The following COPA variants were observed in gnomAD, a reference collection of about 807,000 sequenced individuals.
The protein encoded by COPA is coatomer subunit alpha.
COPA carries 10 observed loss-of-function variants against 158.7 expected under a neutral mutation model. The observed-to-expected ratio is 0.06, with a 90% CI of 0.04 to 0.11. The LOEUF (loss-of-function observed/expected upper bound fraction) is 0.11. COPA is among the 10% of genes least tolerant of loss of function. The pLI is 1.00. For synonymous variants in COPA, 462 were observed against 542.8 expected (o/e 0.85, Z 2.07); for missense variants, 1,065 against 1,536.7 (o/e 0.69, Z 5.13).
At chr1:160,330,116 C>T (rs1268428922) in intron 6 of COPA, among the ~76,000 whole-genome samples, 3 of 151,852 alleles carry the variant, frequency 2.0e-5, no homozygotes, top group African/African-American at 7.3e-5. Flanking sequence ...CTGTCCCCAC[C>T]GCCACCCCCC....
In COPA at chr1:160,335,287, T is replaced by C. The variant is rs751570700; in HGVS notation, c.264A>G (p.Thr88=). 39 of 1,612,248 alleles carry C rather than the reference T, an allele frequency of 2.4e-5. No individual in the cohort carries two copies. Among genetic ancestry groups the C allele is most frequent in the Admixed American group, 5.0e-5 (3 of 59,858 alleles). ...WNYKLRRCLF[T]LLGHLDYIRT... ...GAATATAATCTAAGTGCCCAAGCAA[T>C]GTGAAAAGACAGCGCCGAAGCTTGT... Residue 88 remains threonine, a synonymous_variant, in exon 4 of 33, where the codon ACA becomes ACG. Transcript: ENST00000241704.
intron 5 of COPA, among the ~76,000 whole-genome samples, chr1:160,333,306 G>A (rs1647615418): frequency 6.6e-6 from 1 of 152,192 alleles, no homozygotes; most frequent in Non-Finnish European, 1.5e-5. Flanking sequence ...ATAAGACAAA[G>A]GTCTAGACCT....
At chr1:160,303,124 G>A (rs1187295487) in intron 17 of COPA, among the ~76,000 whole-genome samples, 2 of 152,090 alleles carry the variant, frequency 1.3e-5, no homozygotes, top group African/African-American at 4.8e-5. Context: ...ACTTGAACCT[G>A]GGAAGCAGAG....
rs189805253 is a variant in COPA, at chr1:160,337,139, T to C, written c.229-1817A>G. Among the ~76,000 whole-genome samples, 23 of 152,358 alleles carry C rather than the reference T, an allele frequency of 1.5e-4. No homozygotes were observed. In the East Asian group the frequency reaches 4.0e-3, roughly 27 times the overall value. ...ACTTTTTTCCCCTTATAGAGTTCAGTGTTTTAAACTTTCATATTTCTAGTT... is the reference window on the plus strand; with the variant it reads ...ACTTTTTTCCCCTTATAGAGTTCAGCGTTTTAAACTTTCATATTTCTAGTT... On this transcript the variant is annotated intron_variant, in intron 3 of 32. Coordinates refer to ENST00000241704, the MANE Select transcript of COPA (RefSeq NM_004371.4).
chr1:160,332,859 C>T (rs1246214405), intron 5 of COPA, among the ~76,000 whole-genome samples: 1 of 152,258 alleles, frequency 6.6e-6, no homozygotes, highest in East Asian at 1.9e-4. Context: ...TCTCAGTAAT[C>T]CATACTGTAA....
intron 8 of COPA, among the ~76,000 whole-genome samples, chr1:160,321,863 T>C (rs11578737): frequency 6.6e-6 from 1 of 151,628 alleles, no homozygotes; most frequent in Non-Finnish European, 1.5e-5. Context: ...TTATAGTAAC[T>C]ACAAAAAATA....
At chr1:160,315,385 T>C (rs552894468) in intron 8 of COPA, among the ~76,000 whole-genome samples, 3 of 152,368 alleles carry the variant, frequency 2.0e-5, no homozygotes, top group African/African-American at 4.8e-5. Context: ...GCTCTGTTAC[T>C]TGGCCAAAGG....
intron 19 of COPA, 77 bp downstream of exon 19, chr1:160,298,768 G>T: frequency 6.5e-7 from 1 of 1,548,952 alleles, no homozygotes; most frequent in South Asian, 1.2e-5. Flanking sequence ...AGCAAGCCCA[G>T]AATAATGCCC....
At position 160,289,843 on chromosome 1, in the gene COPA, A is replaced by G; in HGVS notation, c.*314T>C. 9.2e-6 allele frequency: 2 copies of G among 216,512 alleles called. No homozygotes were observed. Among genetic ancestry groups the G allele is most frequent in the Non-Finnish European group, 1.8e-5 (2 of 109,626 alleles). 13.4% of individuals were successfully genotyped at this position (216,512 alleles called of 1,614,324 possible). A position where few individuals can be genotyped will look rare whatever the true frequency, so the allele number is the denominator to read the frequency against. ...TGGCCTCAGATGATCTGCCCACCGT[A>G]GCCTCCCAAAGTGCTGGGATTACAG... On this transcript the variant is annotated 3_prime_UTR_variant, in exon 33 of 33. Coordinates refer to ENST00000241704, the MANE Select transcript of COPA (RefSeq NM_004371.4).
chr1:160,304,803 C>T (rs902571039), intron 17 of COPA, among the ~76,000 whole-genome samples: 13 of 152,226 alleles, frequency 8.5e-5, no homozygotes, highest in African/African-American at 3.1e-4. Context: ...TGTTTAAGAG[C>T]ATTGTTCATA....
At chr1:160,316,493 G>A (rs1239846231) in intron 8 of COPA, among the ~76,000 whole-genome samples, 1 of 151,930 alleles carries the variant, frequency 6.6e-6, no homozygotes. Flanking sequence ...GCTCATGCCT[G>A]TAATCATAGC....
intron 6 of COPA, among the ~76,000 whole-genome samples, chr1:160,327,000 T>C (rs1571177299): frequency 1.3e-5 from 2 of 152,316 alleles, no homozygotes; most frequent in African/African-American, 4.8e-5. Context: ...CTATCTCACA[T>C]TCGGAAAGTA....
At chr1:160,319,699 G>C (rs1251725880) in intron 8 of COPA, among the ~76,000 whole-genome samples, 3 of 151,500 alleles carry the variant, frequency 2.0e-5, no homozygotes, top group African/African-American at 7.3e-5. Context: ...GAACACAATA[G>C]AACTAGAAAT....
chr1:160,320,792 T>TA (rs143294298), intron 8 of COPA, among the ~76,000 whole-genome samples: 4,628 of 89,074 alleles, frequency 0.052, 123 homozygotes, highest in Middle Eastern at 0.095. Context: ...TTCAAACTCT[T>TA]AAAAAAAAAA....
Position 160,343,249 on chromosome 1 carries a change from A to T in COPA, c.-79T>A. The T allele has an allele frequency of 6.3e-7, 1 of 1,597,422 alleles. No individual in the cohort carries two copies. The highest frequency in any genetic ancestry group is 8.6e-7 in the Non-Finnish European group (1 of 1,165,618). On this transcript the variant is annotated 5_prime_UTR_variant, in exon 1 of 33. Transcript: ENST00000241704. ...CCCTTCGGACGCCTCCACGTCAGCG[A>T]CCCTCTCCCGCGGTTTCCGGAAGCG...
intron 31 of COPA, 122 bp from the exon 32 acceptor site, chr1:160,290,808 TCCCA>T: frequency 9.3e-6 from 8 of 864,156 alleles, no homozygotes; most frequent in Non-Finnish European, 1.1e-5. Flanking sequence ...TGAAAAGAGG[TCCCA>T]ACCTCTGTAC....
At chr1:160,327,455 T>C (rs1571177766) in intron 6 of COPA, among the ~76,000 whole-genome samples, 2 of 96,238 alleles carry the variant, frequency 2.1e-5, no homozygotes, top group African/African-American at 7.8e-5. Flanking sequence ...GGGAATTGCT[T>C]GAACCCGGGG....
At chr1:160,332,130 T>G (rs1416535080) in intron 6 of COPA, among the ~76,000 whole-genome samples, 1 of 152,178 alleles carries the variant, frequency 6.6e-6, no homozygotes, top group Non-Finnish European at 1.5e-5. Flanking sequence ...ATAGATGTAT[T>G]TTTTCTTATT....
In COPA at chr1:160,291,364, G is replaced by A. The variant is rs1320012168; in HGVS notation, c.3391C>T (p.Leu1131Phe). 9 of 1,613,936 alleles carry A rather than the reference G, an allele frequency of 5.6e-6. No homozygotes were observed. Among genetic ancestry groups the A allele is most frequent in the Non-Finnish European group, 7.6e-6 (9 of 1,179,944 alleles). The change falls in exon 31 of 33, where the codon CTC becomes TTC. Residue 1131 changes from leucine to phenylalanine, a missense_variant. Leu to Phe is a conservative substitution (Grantham distance 22, BLOSUM62 0). Around this residue, in one of 2 missense-constraint regions of COPA, gnomAD observed 980 missense variants for 1,357.8 expected, o/e 0.72. Transcript: ENST00000241704. ...AATFARRLLELGPKPEVAQQT... is the reference protein window; with the variant it reads ...AATFARRLLEFGPKPEVAQQT... ...TGGGCCACCTCAGGCTTGGGCCCGA[G>A]TTCTAGTAGGCGCCGAGCAAAGGTG...
Sources: allele counts gnomAD v4.1 joint callset (sites outside exome capture counted in the v4.1 genomes callset), GRCh38; gene constraint gnomAD v4.1.1; regional missense constraint gnomAD v4.1.1; transcripts MANE v1.5; gene names NCBI Gene and HGNC (gene_info 2026-07-23, HGNC 2026-07-21).